Variants in MGST2 observed in about 807,000 individuals in gnomAD.
MGST2 encodes the protein glutathione peroxidase MGST2.
In MGST2, 9 loss-of-function variants were observed where a neutral mutation model predicts 16.6. The ratio of observed to expected loss-of-function variants is 0.54; its 90% CI spans 0.33 to 0.95. The LOEUF (loss-of-function observed/expected upper bound fraction) is 0.95. Among genes scored for constraint, MGST2 ranks in the 40% least tolerant of loss-of-function variants. MGST2 has a pLI of 0.03. For missense variants in MGST2, 159 were observed against 175.1 expected (o/e 0.91, Z 0.52); for synonymous variants, 79 against 68.0 (o/e 1.16, Z -0.79).
intron 5 of MGST2, among the ~76,000 whole-genome samples, chr4:139,730,024 G>A (rs1293836958): frequency 2.6e-5 from 4 of 152,136 alleles, no homozygotes; most frequent in Non-Finnish European, 5.9e-5. Context: ...AAGAAACAGA[G>A]TTCTCTGAAT....
chr4:139,699,968 G>C (rs971506914), intron 3 of MGST2, among the ~76,000 whole-genome samples: 5 of 151,986 alleles, frequency 3.3e-5, no homozygotes, highest in African/African-American at 9.7e-5. Flanking sequence ...AGAGTTTCAG[G>C]CTGCAGTGAA....
intron 1 of MGST2, 22 bp from the exon 2 acceptor site, chr4:139,678,521 C>A: frequency 6.3e-7 from 1 of 1,593,902 alleles, no homozygotes; most frequent in Non-Finnish European, 8.6e-7. Context: ...ATCTTTAACG[C>A]AACATTTCCC....
At position 139,715,859 on chromosome 4, in the gene MGST2, C is replaced by CCTAT. The variant is rs140162083; in HGVS notation, c.*48+11666_*48+11669dup. ...TATGCCGTGTATTTTGTGCTGAACTCCTATCTCATCCTGTGACTTAGAATG... is the reference window on the plus strand; with the variant it reads ...TATGCCGTGTATTTTGTGCTGAACTCCTATCTATCTCATCCTGTGACTTAGAATG... On this transcript the variant is annotated intron_variant, in intron 5 of 5. Transcript: ENST00000616265. The surrounding 1 kb of genome is among the most constrained non-coding windows in gnomAD (Gnocchi z 4.4). Among the ~76,000 whole-genome samples the CCTAT allele has an allele frequency of 0.017, 2,578 of 152,264 alleles. 59 individuals carry two copies. Among genetic ancestry groups the CCTAT allele is most frequent in the African/African-American group, 0.058 (2,421 of 41,540 alleles).
At chr4:139,753,349 TATC>T in the MGST2 span, among the ~76,000 whole-genome samples, 2 of 150,002 alleles carry the variant, frequency 1.3e-5, no homozygotes, top group African/African-American at 5.0e-5. Context: ...TTAATCTATC[TATC>T]TATCTATCTA....
At chr4:139,680,696 A>G (rs1361214989) in intron 2 of MGST2, among the ~76,000 whole-genome samples, 1 of 152,196 alleles carries the variant, frequency 6.6e-6, no homozygotes, top group East Asian at 1.9e-4. Flanking sequence ...GAGACTTCAC[A>G]TATCTGAAAA....
chr4:139,719,364 C>A, intron 5 of MGST2: 1 of 1,608,408 alleles, frequency 6.2e-7, no homozygotes, highest in Non-Finnish European at 8.5e-7. Context: ...TGCATCCACT[C>A]GTCCCCTGGC....
At chr4:139,669,112 A>T (rs985314079) in intron 1 of MGST2, among the ~76,000 whole-genome samples, 13 of 152,132 alleles carry the variant, frequency 8.5e-5, no homozygotes, top group Admixed American at 3.3e-4. Context: ...CGGAGGATAT[A>T]ATGAGGCACA....
chr4:139,735,357 A>G lies in MGST2; in HGVS notation c.*49-4855A>G, dbSNP rs1728891979. On this transcript the variant is annotated intron_variant, in intron 5 of 5. Coordinates refer to the MGST2 transcript ENST00000616265. This position sits in a 1 kb window ranked among gnomAD's most constrained non-coding sequence, Gnocchi z 5.8. ...ACACTGAACTGGTTTCTCATTACCG[A>G]CTTTTCTTCCAGCCGGAGGGGAGGA... Among the ~76,000 whole-genome samples the G allele has an allele frequency of 6.6e-6, 1 of 151,700 alleles. No individual in the cohort carries two copies. Among genetic ancestry groups the G allele is most frequent in the Non-Finnish European group, 1.5e-5 (1 of 67,976 alleles).
At chr4:139,695,855 C>T (rs1726890939) in intron 3 of MGST2, among the ~76,000 whole-genome samples, 1 of 152,144 alleles carries the variant, frequency 6.6e-6, no homozygotes, top group African/African-American at 2.4e-5. Context: ...TTGACTCGAA[C>T]AATGGAGGGG....
intron 4 of MGST2, 95 bp from the exon 5 acceptor site, chr4:139,703,921 G>A (rs1727408297): frequency 2.0e-6 from 3 of 1,501,942 alleles, no homozygotes; most frequent in Admixed American, 1.7e-5. Flanking sequence ...TAGAAGTTCT[G>A]GACAGTGTTA....
the MGST2 span, among the ~76,000 whole-genome samples, chr4:139,752,580 T>A: frequency 1.3e-5 from 2 of 152,190 alleles, no homozygotes; most frequent in Admixed American, 1.3e-4. Flanking sequence ...AAGCCAGGAC[T>A]TCTCATGTCT....
chr4:139,687,053 C>T (rs1731603249), intron 2 of MGST2, among the ~76,000 whole-genome samples: 1 of 152,164 alleles, frequency 6.6e-6, no homozygotes, highest in Non-Finnish European at 1.5e-5. Flanking sequence ...ACACCATTTC[C>T]AAGTATTTCT....
At chr4:139,690,321 T>G (rs1367838160) in intron 2 of MGST2, among the ~76,000 whole-genome samples, 1 of 152,064 alleles carries the variant, frequency 6.6e-6, no homozygotes. Context: ...TTTTATTTTT[T>G]TATAGAGATG....
intron 1 of MGST2, among the ~76,000 whole-genome samples, chr4:139,673,383 G>C (rs1029064151): frequency 3.3e-5 from 5 of 151,870 alleles, no homozygotes; most frequent in Non-Finnish European, 5.9e-5. Context: ...ACTCCCCAAT[G>C]GCTTTCAGGC....
rs574022323 is a variant in MGST2, at chr4:139,723,042, C to A, written c.*49-17170C>A. On this transcript the variant is annotated intron_variant, in intron 5 of 5. Transcript: ENST00000616265. ...CAGCCATTTCTTTCTAATTTAGCCC[C>A]AAAGGTGAATTCTCTCTCACCTCCA... is the stretch of plus-strand genomic sequence containing the variant. Among the ~76,000 whole-genome samples the A allele has an allele frequency of 2.0e-5, 3 of 152,338 alleles. No individual in the cohort carries two copies. In the South Asian group the frequency reaches 6.2e-4, roughly 32 times the overall value.
chr4:139,727,016 G>T (rs901261309), intron 5 of MGST2, among the ~76,000 whole-genome samples: 2 of 152,144 alleles, frequency 1.3e-5, no homozygotes, highest in Non-Finnish European at 2.9e-5. Context: ...GGGCTATAAA[G>T]AATATACAAC....
intron 5 of MGST2, among the ~76,000 whole-genome samples, chr4:139,738,551 A>G (rs1007912153): frequency 1.3e-5 from 2 of 152,210 alleles, no homozygotes; most frequent in African/African-American, 4.8e-5. Flanking sequence ...TCTCAAACAA[A>G]CAAAAAAAAG....
At chr4:139,673,166 T>G (rs1730789275) in intron 1 of MGST2, among the ~76,000 whole-genome samples, 1 of 152,116 alleles carries the variant, frequency 6.6e-6, no homozygotes, top group Non-Finnish European at 1.5e-5. Context: ...GACAAGGAGA[T>G]AGTGGGGGAG....
At chr4:139,700,380 C>G (rs1387129679) in intron 3 of MGST2, among the ~76,000 whole-genome samples, 1 of 152,114 alleles carries the variant, frequency 6.6e-6, no homozygotes, top group Non-Finnish European at 1.5e-5. Context: ...ATCCGCCAGT[C>G]TCGGCCTCCC....
Sources: allele counts gnomAD v4.1 joint callset (sites outside exome capture counted in the v4.1 genomes callset), GRCh38; gene constraint gnomAD v4.1.1; non-coding constraint Gnocchi (gnomAD v3.1); transcripts MANE v1.5; gene names NCBI Gene and HGNC (gene_info 2026-07-23, HGNC 2026-07-21).